The following LRRTM4 variants were observed in gnomAD, a reference collection of about 807,000 sequenced individuals.
LRRTM4 encodes the protein leucine rich repeat transmembrane neuronal 4.
Under a neutral mutation model 47.6 loss-of-function variants are expected in LRRTM4, and 25 were observed. The ratio of observed to expected loss-of-function variants is 0.53; its 90% CI spans 0.38 to 0.73. The LOEUF (loss-of-function observed/expected upper bound fraction) is 0.73. Among genes scored for constraint, LRRTM4 ranks in the 30% least tolerant of loss-of-function variants. The pLI, the probability that LRRTM4 is intolerant of heterozygous loss-of-function variation, is 0.00. For synonymous variants in LRRTM4, 311 were observed against 269.5 expected (o/e 1.15, Z -1.51); for missense variants, 638 against 713.4 (o/e 0.89, Z 1.20).
chr2:77,061,820 T>C (rs916359444), intron 3 of LRRTM4, among the ~76,000 whole-genome samples: 1 of 152,204 alleles, frequency 6.6e-6, no homozygotes, highest in Admixed American at 6.5e-5. Flanking sequence ...TTTTTATACA[T>C]ATACAAACCA....
At chr2:77,274,111 T>A (rs1676275488) in intron 3 of LRRTM4, among the ~76,000 whole-genome samples, 1 of 152,066 alleles carries the variant, frequency 6.6e-6, no homozygotes, top group Non-Finnish European at 1.5e-5. Flanking sequence ...CTCTGTTATG[T>A]ATTGCTTTCT....
chr2:77,128,862 A>C (rs1351736823), intron 3 of LRRTM4, among the ~76,000 whole-genome samples: 1 of 152,082 alleles, frequency 6.6e-6, no homozygotes, highest in Non-Finnish European at 1.5e-5. Context: ...CTGGTCTCAA[A>C]CTCCTGACCT....
chr2:77,143,788 A>T (rs969590807), intron 3 of LRRTM4, among the ~76,000 whole-genome samples: 8 of 152,186 alleles, frequency 5.3e-5, no homozygotes, highest in Non-Finnish European at 8.8e-5. Flanking sequence ...GAGGATTTTT[A>T]TTGCCAACTG....
chr2:77,260,949 A>G (rs2104039864), intron 3 of LRRTM4, among the ~76,000 whole-genome samples: 1 of 152,154 alleles, frequency 6.6e-6, no homozygotes, highest in Middle Eastern at 3.4e-3. Context: ...ATAGTCTCCT[A>G]TATTCACATA....
At chr2:77,505,420 C>T (rs1293746200) in intron 3 of LRRTM4, among the ~76,000 whole-genome samples, 1 of 151,282 alleles carries the variant, frequency 6.6e-6, no homozygotes, top group African/African-American at 2.4e-5. Context: ...AGCACAGAGT[C>T]CAGTGTTACC....
At chr2:77,312,831 T>G (rs935391971) in intron 3 of LRRTM4, among the ~76,000 whole-genome samples, 10 of 152,098 alleles carry the variant, frequency 6.6e-5, no homozygotes, top group African/African-American at 1.9e-4. Context: ...TTCTAGAATA[T>G]GTTAAGGGAG....
chr2:76,815,945 T>G (rs1169495078), intron 3 of LRRTM4, among the ~76,000 whole-genome samples: 2 of 152,108 alleles, frequency 1.3e-5, no homozygotes, highest in Admixed American at 6.6e-5. Flanking sequence ...TCTCTAAAAA[T>G]ACACTTCTAA....
intron 3 of LRRTM4, among the ~76,000 whole-genome samples, chr2:77,031,928 CT>C (rs1054106844): frequency 6.6e-6 from 1 of 152,100 alleles, no homozygotes; most frequent in African/African-American, 2.4e-5. Flanking sequence ...TTTCAGGCCC[CT>C]AACCCTAACA....
At chr2:76,823,618 T>A (rs1347649107) in intron 3 of LRRTM4, among the ~76,000 whole-genome samples, 1 of 151,440 alleles carries the variant, frequency 6.6e-6, no homozygotes, top group Non-Finnish European at 1.5e-5. Context: ...GAATAAAAAA[T>A]TTGACAAACC....
chr2:76,823,331 A>G (rs1284121960), intron 3 of LRRTM4, among the ~76,000 whole-genome samples: 1 of 151,440 alleles, frequency 6.6e-6, no homozygotes, highest in African/African-American at 2.4e-5. Context: ...ATAAAAAGCA[A>G]TCAGCCATGA....
chr2:76,748,126 T>C lies in LRRTM4; in HGVS notation c.*569A>G, dbSNP rs1672709117. On this transcript the variant is annotated 3_prime_UTR_variant, in exon 4 of 4. Coordinates refer to ENST00000409884, the MANE Select transcript of LRRTM4 (RefSeq NM_001134745.3). ...AAGCACATTTTCTTTTGGTACAACA[T>C]AAGCTTTAATGCTCATGTTTTGTAT... is the stretch of plus-strand genomic sequence containing the variant. 1.3e-5 allele frequency: 2 copies of C among 152,972 alleles called. No homozygotes were observed. The highest frequency in any genetic ancestry group is 4.1e-4 in the South Asian group (2 of 4,874). 9.5% of individuals were successfully genotyped at this position (152,972 alleles called of 1,614,324 possible). A position where few individuals can be genotyped will look rare whatever the true frequency, so the allele number is the denominator to read the frequency against.
At chr2:76,916,384 CAAAA>C (rs57874749) in intron 3 of LRRTM4, among the ~76,000 whole-genome samples, 22 of 53,502 alleles carry the variant, frequency 4.1e-4, no homozygotes, top group Non-Finnish European at 6.4e-4. Flanking sequence ...GACTGTGTCT[CAAAA>C]AAAAAAAAAA....
chr2:77,306,549 T>C (rs1251397416), intron 3 of LRRTM4, among the ~76,000 whole-genome samples: 2 of 152,232 alleles, frequency 1.3e-5, no homozygotes, highest in African/African-American at 4.8e-5. Context: ...CAGCTTTTGC[T>C]GCTTATAAAT....
chr2:76,831,215 G>A (rs62172150), intron 3 of LRRTM4, among the ~76,000 whole-genome samples: 68,211 of 152,014 alleles, frequency 0.45, 16,474 homozygotes, highest in East Asian at 0.76. Flanking sequence ...ATGTGTGTGT[G>A]TGAAATGAAC....
At chr2:77,493,243 T>C (rs1249363281) in intron 3 of LRRTM4, among the ~76,000 whole-genome samples, 1 of 152,032 alleles carries the variant, frequency 6.6e-6, no homozygotes, top group Non-Finnish European at 1.5e-5. Flanking sequence ...GTAATATAAA[T>C]GACATAATAA....
intron 3 of LRRTM4, among the ~76,000 whole-genome samples, chr2:76,913,261 A>G (rs1454160291): frequency 1.3e-5 from 2 of 152,016 alleles, no homozygotes; most frequent in African/African-American, 4.8e-5. Context: ...ATTTAGCAAT[A>G]TATTTTTCCT....
intron 3 of LRRTM4, among the ~76,000 whole-genome samples, chr2:77,453,349 T>A (rs532797608): frequency 6.6e-6 from 1 of 151,752 alleles, no homozygotes; most frequent in Non-Finnish European, 1.5e-5. Context: ...GCCTGGCTAA[T>A]TTTTTGTATT....
At chr2:77,288,644 C>T (rs1046721725) in intron 3 of LRRTM4, among the ~76,000 whole-genome samples, 2 of 152,018 alleles carry the variant, frequency 1.3e-5, no homozygotes, top group African/African-American at 4.8e-5. Context: ...GCAAAAAATA[C>T]ACACAAAGAA....
intron 3 of LRRTM4, among the ~76,000 whole-genome samples, chr2:77,398,566 T>C (rs530752479): frequency 6.6e-6 from 1 of 151,996 alleles, no homozygotes; most frequent in South Asian, 2.1e-4. Context: ...TTCAGAATGG[T>C]CATATATCAG....
Sources: gnomAD v4.1 joint callset for allele counts (sites outside exome capture counted in the v4.1 genomes callset) on GRCh38, gnomAD v4.1.1 for gene constraint, MANE v1.5 for transcripts, NCBI Gene and HGNC (gene_info 2026-07-23, HGNC 2026-07-21) for gene names.